The following FGD4 variants were observed in gnomAD, a reference collection of about 807,000 sequenced individuals.
FGD4 encodes FYVE, RhoGEF and PH domain containing 4.
FGD4 carries 42 observed loss-of-function variants against 102.0 expected under a neutral mutation model. The observed-to-expected ratio is 0.41, with a 90% CI of 0.32 to 0.53. The LOEUF (loss-of-function observed/expected upper bound fraction) is 0.53. Among genes scored for constraint, FGD4 ranks in the 20% least tolerant of loss-of-function variants. The probability of loss-of-function intolerance (pLI) is 0.21; values close to 1 mark genes in which losing one functional copy is unlikely to be tolerated. For synonymous variants in FGD4, 380 were observed against 375.7 expected, an observed-to-expected ratio of 1.01 and a Z score of -0.13; for missense variants, 902 against 1,078.2, an observed-to-expected ratio of 0.84 and a Z score of 2.29.
intron 1 of FGD4, among the ~76,000 whole-genome samples, chr12:32,438,616 G>GGT (rs1555181369): frequency 3.4e-5 from 5 of 146,510 alleles, no homozygotes; most frequent in Admixed American, 2.0e-4. Context: ...GTTTGTGTGT[G>GGT]TTTTTTTTTT....
chr12:32,600,553 G>A (rs1948317897), intron 5 of FGD4: 1 of 745,436 alleles, frequency 1.3e-6, no homozygotes, highest in Non-Finnish European at 1.7e-6. Context: ...GAAGGTTTGG[G>A]TTTTTGTTTT....
At chr12:32,503,227 A>G (rs1252200628) in intron 1 of FGD4, among the ~76,000 whole-genome samples, 1 of 152,164 alleles carries the variant, frequency 6.6e-6, no homozygotes, top group African/African-American at 2.4e-5. Context: ...TTTTTTTATC[A>G]TTGAAACCAT....
chr12:32,493,802 A>G (rs1937619822), intron 1 of FGD4, among the ~76,000 whole-genome samples: 1 of 152,234 alleles, frequency 6.6e-6, no homozygotes, highest in South Asian at 2.1e-4. Context: ...AATGTTGGGC[A>G]GTGATACCTT....
At chr12:32,548,723 C>T (rs1481951622) in intron 1 of FGD4, among the ~76,000 whole-genome samples, 1 of 152,200 alleles carries the variant, frequency 6.6e-6, no homozygotes, top group African/African-American at 2.4e-5. Context: ...CTGAGGGCTA[C>T]TCCATTTGTA....
At chr12:32,444,624 C>T (rs7314978) in intron 1 of FGD4, among the ~76,000 whole-genome samples, 29,622 of 152,016 alleles carry the variant, frequency 0.19, 3,572 homozygotes, top group East Asian at 0.28. Context: ...AGGCTAGTCT[C>T]GAACTCCTGA....
chr12:32,418,650 C>T (rs530575169), intron 1 of FGD4, among the ~76,000 whole-genome samples: 2 of 152,124 alleles, frequency 1.3e-5, no homozygotes, highest in African/African-American at 2.4e-5. Flanking sequence ...GGGACTGTAC[C>T]GGTTCAGACC....
At chr12:32,512,446 C>CA (rs764927551) in intron 1 of FGD4, among the ~76,000 whole-genome samples, 8,486 of 130,058 alleles carry the variant, frequency 0.065, 604 homozygotes, top group African/African-American at 0.17. Flanking sequence ...GACTCTGTCT[C>CA]AAAAAAAAAA....
At chr12:32,480,716 C>A (rs10771957) in intron 1 of FGD4, among the ~76,000 whole-genome samples, 5 of 151,436 alleles carry the variant, frequency 3.3e-5, no homozygotes, top group African/African-American at 4.9e-5. Context: ...GGCCAGGATG[C>A]TCTTGCTCTC....
At chr12:32,405,815 G>T (rs1414571452) in intron 1 of FGD4, among the ~76,000 whole-genome samples, 4 of 151,968 alleles carry the variant, frequency 2.6e-5, no homozygotes, top group African/African-American at 7.3e-5. Context: ...TATAGTTCTG[G>T]TTCAGAACCA....
intron 8 of FGD4, among the ~76,000 whole-genome samples, chr12:32,608,389 C>T (rs1446210127): frequency 1.3e-5 from 2 of 152,152 alleles, no homozygotes; most frequent in African/African-American, 4.8e-5. Flanking sequence ...ACACAATTTC[C>T]TTGTCAGAGG....
intron 1 of FGD4, among the ~76,000 whole-genome samples, chr12:32,561,070 G>GTTTTTTTTT (rs1267043755): frequency 0.014 from 1,297 of 90,558 alleles, 239 homozygotes; most frequent in Non-Finnish European, 0.019. Context: ...TCTTTGTTGG[G>GTTTTTTTTT]TTTTGTTTTT....
rs66646521 is a variant in FGD4 at position 32,552,434 on chromosome 12, ATTTTTT to A, written c.167-11683_167-11678del. 8.0e-3 allele frequency among the ~76,000 whole-genome samples: 972 copies of A among 120,946 alleles called. 10 individuals carry two copies. The highest frequency in any genetic ancestry group is 0.026 in the African/African-American group (932 of 35,968). The allele number at this position is 120,946 out of a possible 152,430, so 79.3% of individuals were successfully genotyped here. Reference sequence around the variant, plus strand: ...GCCGCCATGCCCGACTAATTTTTGCATTTTTTTTTTTTTTTTTTTTTTTTTGTAGTA... The same window carrying A: ...GCCGCCATGCCCGACTAATTTTTGCATTTTTTTTTTTTTTTTTTTGTAGTA... On this transcript the variant is annotated intron_variant, in intron 1 of 16. Transcript: ENST00000534526.
chr12:32,562,223 C>T (rs985554541), intron 1 of FGD4, among the ~76,000 whole-genome samples: 1 of 152,158 alleles, frequency 6.6e-6, no homozygotes, highest in African/African-American at 2.4e-5. Flanking sequence ...TTCTGTGGCC[C>T]TGCAAGGAGA....
chr12:32,592,292 C>A (rs1947548686), intron 4 of FGD4, among the ~76,000 whole-genome samples: 1 of 150,792 alleles, frequency 6.6e-6, no homozygotes, highest in Non-Finnish European at 1.5e-5. Context: ...AAGTATCTTA[C>A]TTTTGATATC....
In FGD4 at chr12:32,486,052, A is replaced by G. The variant is rs758264881; in HGVS notation, c.167-78085A>G. On this transcript the variant is annotated intron_variant, in intron 1 of 16. Coordinates refer to ENST00000534526, the MANE Select transcript of FGD4 (RefSeq NM_001370298.3). Reference sequence around the variant, plus strand: ...CAGAATGCCTATAGTTTCTACCAACAAATTATGGATCCAAATCCTTGCTCC... The same window carrying G: ...CAGAATGCCTATAGTTTCTACCAACGAATTATGGATCCAAATCCTTGCTCC... 150 of 1,497,584 alleles carry G rather than the reference A, an allele frequency of 1.0e-4. 1 individual carries two copies. In the Middle Eastern group the frequency reaches 1.2e-3, roughly 12 times the overall value. The allele number at this position is 1,497,584 out of a possible 1,614,324, so 92.8% of individuals were successfully genotyped here.
intron 1 of FGD4, among the ~76,000 whole-genome samples, chr12:32,536,158 A>C (rs1942240499): frequency 6.6e-6 from 1 of 152,212 alleles, no homozygotes; most frequent in Non-Finnish European, 1.5e-5. Context: ...TTTCACATGA[A>C]AGAAATGAAA....
At chr12:32,578,779 C>T (rs1305900540) in intron 3 of FGD4, among the ~76,000 whole-genome samples, 2 of 151,528 alleles carry the variant, frequency 1.3e-5, no homozygotes, top group Admixed American at 6.6e-5. Flanking sequence ...TGCAGTGAGC[C>T]GAGATTGTGC....
chr12:32,415,116 T>C lies in FGD4; in HGVS notation c.166+15157T>C, dbSNP rs118067657. 4.4e-4 allele frequency among the ~76,000 whole-genome samples: 67 copies of C among 152,324 alleles called. 2 individuals are homozygous for C. The East Asian group carries it at 0.013, about 29-fold the overall frequency. ...CAAAATTCCTCTTGTTATTTATTTG[T>C]AGCTTTATTTCATTGTGGTCAGAGA... is the stretch of plus-strand genomic sequence containing the variant. On this transcript the variant is annotated intron_variant, in intron 1 of 16. Transcript: ENST00000534526.
intron 1 of FGD4, among the ~76,000 whole-genome samples, chr12:32,467,578 C>G (rs1441659006): frequency 6.6e-6 from 1 of 152,220 alleles, no homozygotes; most frequent in East Asian, 1.9e-4. Context: ...ACTGCTCTTA[C>G]AGAAACAGCA....
Sources: allele counts gnomAD v4.1 joint callset (sites outside exome capture counted in the v4.1 genomes callset), GRCh38; gene constraint gnomAD v4.1.1; transcripts MANE v1.5; gene names NCBI Gene and HGNC (gene_info 2026-07-23, HGNC 2026-07-21).